COL6A3: variants seen among roughly 807,000 people sequenced by gnomAD.
The protein encoded by COL6A3 is collagen type VI alpha 3 chain.
A neutral mutation model predicts 274.1 loss-of-function variants in COL6A3; 137 were observed. The observed-to-expected ratio is 0.50, with a 90% CI of 0.44 to 0.58. The LOEUF is 0.58. Ranked by LOEUF, COL6A3 falls within the 20% of genes least tolerant of loss-of-function variation. COL6A3 has a pLI of 0.00. For missense variants in COL6A3, 3,950 were observed against 4,124.9 expected (o/e 0.96, Z 1.16); for synonymous variants, 1,650 against 1,650.6 (o/e 1.00, Z 0.01).
chr2:237,369,048 T>A lies in COL6A3; in HGVS notation c.4415A>T (p.Lys1472Ile), dbSNP rs748650105. 8 of 1,614,086 alleles carry A rather than the reference T, an allele frequency of 5.0e-6. No homozygotes were observed. Among genetic ancestry groups the A allele is most frequent in the Non-Finnish European group, 6.8e-6 (8 of 1,180,044 alleles). The change falls in exon 10 of 44, where the codon AAA (lysine) becomes ATA (isoleucine). Residue 1472 changes from lysine (K) to isoleucine (I), a missense_variant. Around this residue, in one of 5 missense-constraint regions of COL6A3, gnomAD observed 1,934 missense variants for 1,984.3 expected, o/e 0.97. Transcript: ENST00000295550. ...GAACTGCACGACCCCAACTCTCACT[T>A]TACTGGGGCCGATGTTGAGTCTTCG... The part of the protein sequence containing the change: ...IVRRLNIGPS[K>I]VRVGVVQFSN...
chr2:237,331,606 CTG>C (rs1293846098), intron 42 of COL6A3, among the ~76,000 whole-genome samples: 6 of 152,068 alleles, frequency 3.9e-5, no homozygotes, highest in African/African-American at 9.7e-5. Context: ...AATGCCATAA[CTG>C]TGTGTACACC....
chr2:237,374,396 A>G lies in COL6A3; in HGVS notation c.3679+16T>C. On this transcript the variant is annotated intron_variant, in intron 8 of 43. Transcript: ENST00000295550. The surrounding 1 kb of genome is among the most constrained non-coding windows in gnomAD (Gnocchi z 4.8). ...ACAATGACACTGAGTGAGGATGCAA[A>G]GAGTTCCCTGCGTACCTGGGCTCGG... 1 of 1,610,228 alleles carries G rather than the reference A, an allele frequency of 6.2e-7. No homozygotes were observed. The highest frequency in any genetic ancestry group is 8.5e-7 in the Non-Finnish European group (1 of 1,180,008).
chr2:237,353,114 G>A (rs1377868517), intron 25 of COL6A3, among the ~76,000 whole-genome samples: 1 of 152,192 alleles, frequency 6.6e-6, no homozygotes, highest in African/African-American at 2.4e-5. Flanking sequence ...CCAGGGACTC[G>A]GGGTGGAGGG....
Position 237,367,082 on chromosome 2 carries a change from A to C in COL6A3, c.5105T>G (p.Ile1702Ser), listed in dbSNP as rs1274830506. 1 of 1,614,218 alleles carries C rather than the reference A, an allele frequency of 6.2e-7. No homozygotes were observed. Among genetic ancestry groups the C allele is most frequent in the Non-Finnish European group, 8.5e-7 (1 of 1,180,038 alleles). Residue 1702 changes from isoleucine to serine, a missense_variant, in exon 11 of 44, where the codon ATT (isoleucine) becomes AGT (serine). Coordinates refer to ENST00000295550, the MANE Select transcript of COL6A3 (RefSeq NM_004369.4). ...GACCACTTTGTTGATGGCGTCAATA[A>C]TCTGCCTCTTGGTAGAGAAGTCCTT... is the stretch of plus-strand genomic sequence containing the variant. ...FLKDFSTKRQIIDAINKVVYK... is the reference protein window; with the variant it reads ...FLKDFSTKRQSIDAINKVVYK...
Position 237,346,547 on chromosome 2 carries a change from C to A in COL6A3, c.7048G>T (p.Gly2350Trp). The change falls in exon 32 of 44, where the codon GGG (glycine) becomes TGG (tryptophan). Residue 2350 changes from glycine to tryptophan, a missense_variant. Coordinates refer to ENST00000295550, the MANE Select transcript of COL6A3 (RefSeq NM_004369.4). ...GGGTCTCCCTTCTGTCCAACTATCC[C>A]TGGAGGTCCCGAATTTCCCTAGAGG... ...RGRRGNSGPP[G>W]IVGQKGDPGY... The A allele has an allele frequency of 6.2e-7, 1 of 1,613,984 alleles. No homozygotes were observed. The highest frequency in any genetic ancestry group is 8.5e-7 in the Non-Finnish European group (1 of 1,179,916).
chr2:237,361,015 GA>G lies in COL6A3; in HGVS notation c.6210+105del. 1.0e-6 allele frequency: 1 copy of G among 957,052 alleles called. No homozygotes were observed. Among genetic ancestry groups the G allele is most frequent in the Non-Finnish European group, 1.7e-6 (1 of 585,112 alleles). The allele number at this position is 957,052 out of a possible 1,614,324, so 59.3% of individuals were successfully genotyped here. A position where few individuals can be genotyped will look rare whatever the true frequency, so the allele number is the denominator to read the frequency against. ...TATAAATTAATTTTTCTCCCAAAGG[GA>G]AAGCCATCAGCAACTGAACAAATGA... On this transcript the variant is annotated intron_variant, in intron 16 of 43. Coordinates refer to ENST00000295550, the MANE Select transcript of COL6A3 (RefSeq NM_004369.4). This position sits in a 1 kb window ranked among gnomAD's most constrained non-coding sequence, Gnocchi z 5.1.
At chr2:237,403,515 G>A (rs564511080) in intron 1 of COL6A3, among the ~76,000 whole-genome samples, 1 of 152,260 alleles carries the variant, frequency 6.6e-6, no homozygotes, top group African/African-American at 2.4e-5. Flanking sequence ...AAGGAATGCT[G>A]TTCTAATGAT....
At chr2:237,400,866 T>C (rs554131625) in intron 1 of COL6A3, among the ~76,000 whole-genome samples, 62 of 152,252 alleles carry the variant, frequency 4.1e-4, no homozygotes, top group African/African-American at 1.4e-3. Context: ...AACAGCACAT[T>C]AAAAGGATTA....
chr2:237,344,688 G>T lies in COL6A3; in HGVS notation c.7330C>A (p.Arg2444=). 6.2e-7 allele frequency: 1 copy of T among 1,610,292 alleles called. No individual in the cohort carries two copies. Among genetic ancestry groups the T allele is most frequent in the Non-Finnish European group, 8.5e-7 (1 of 1,177,552 alleles). The change falls in exon 36 of 44, where the codon CGG becomes AGG. Residue 2444 remains arginine (R), a synonymous_variant. Coordinates refer to ENST00000295550, the MANE Select transcript of COL6A3 (RefSeq NM_004369.4). The surrounding 1 kb of genome is among the most constrained non-coding windows in gnomAD (Gnocchi z 4.8). ...TTGTTGTAGGTGACCACAGCCACCC[G>T]GGCCCCCCGTGGGCAGTTGCTCTCA... ...IAESNCPRGA[R]VAVVTYNNEV...
At position 237,340,622 on chromosome 2, in the gene COL6A3, T is replaced by G; in HGVS notation, c.8294A>C (p.Lys2765Thr). The change falls in exon 38 of 44, where the codon AAG becomes ACG. Residue 2765 changes from lysine (K) to threonine (T), a missense_variant. Around this residue, in one of 5 missense-constraint regions of COL6A3, gnomAD observed 1,284 missense variants for 1,349.7 expected, o/e 0.95. Coordinates refer to ENST00000295550, the MANE Select transcript of COL6A3 (RefSeq NM_004369.4). ...AQRVILQAKC[K>T]GYFFVVLGIG... Reference sequence around the variant, plus strand: ...GCCCAGGACCACGAAGAAGTAGCCCTTGCATTTGGCCTGCAGGATGACTCT... The same window carrying G: ...GCCCAGGACCACGAAGAAGTAGCCCGTGCATTTGGCCTGCAGGATGACTCT... The G allele has an allele frequency of 6.2e-7, 1 of 1,614,210 alleles. No homozygotes were observed. Among genetic ancestry groups the G allele is most frequent in the Non-Finnish European group, 8.5e-7 (1 of 1,180,028 alleles).
chr2:237,353,721 G>C (rs1444077701), intron 24 of COL6A3, among the ~76,000 whole-genome samples: 2 of 152,168 alleles, frequency 1.3e-5, no homozygotes, highest in African/African-American at 4.8e-5. Context: ...TGGCCAGATA[G>C]GTGAGCACGT....
At chr2:237,410,971 G>A (rs2078842367) in intron 1 of COL6A3, among the ~76,000 whole-genome samples, 1 of 152,172 alleles carries the variant, frequency 6.6e-6, no homozygotes. Context: ...AAAATTTGGA[G>A]GGTTTGCGGC....
rs1324201660 is a variant in COL6A3 at position 237,352,555 on chromosome 2, C to T, written c.6720G>A (p.Gly2240=). The T allele has an allele frequency of 6.2e-7, 1 of 1,613,438 alleles. No individual in the cohort carries two copies. The highest frequency in any genetic ancestry group is 8.5e-7 in the Non-Finnish European group (1 of 1,179,792). The change falls in exon 26 of 44, where the codon GGG becomes GGA. Residue 2240 remains glycine (G), a synonymous_variant. Coordinates refer to ENST00000295550, the MANE Select transcript of COL6A3 (RefSeq NM_004369.4). The part of the protein sequence containing the change: ...QGPAGPAGPP[G]LIGEQGISGP... ...CAGAAATGCCTTGTTCTCCTATCAG[C>T]CCTGGAGGACCAGCAGGACCAGCTG...
At position 237,342,126 on chromosome 2, in the gene COL6A3, C is replaced by T; in HGVS notation, c.7704G>A (p.Leu2568=). ...AGTCTGTGAGGTCTCTCCCTGCAGG[C>T]AGGACAAGCGCATGCCCCACTGCTG... ...NNTAVGHALV[L]PAGRDLTDFL... Residue 2568 remains leucine (L), a synonymous_variant, in exon 37 of 44, where the codon CTG becomes CTA. Coordinates refer to ENST00000295550, the MANE Select transcript of COL6A3 (RefSeq NM_004369.4). 2 of 1,614,220 alleles carry T rather than the reference C, an allele frequency of 1.2e-6. No homozygotes were observed. The highest frequency in any genetic ancestry group is 2.7e-5 in the African/African-American group (2 of 75,046).
chr2:237,342,248 A>G (rs1248247364), intron 36 of COL6A3, 87 bp from the exon 37 acceptor site: 4 of 1,003,820 alleles, frequency 4.0e-6, no homozygotes, highest in Middle Eastern at 2.1e-4. Flanking sequence ...TCAAAGCTAC[A>G]TCAATAAAAT....
chr2:237,404,097 G>A (rs940886908), intron 1 of COL6A3, among the ~76,000 whole-genome samples: 9 of 151,978 alleles, frequency 5.9e-5, no homozygotes, highest in Admixed American at 2.6e-4. Context: ...AAGCTTGAGC[G>A]TCAATTTTTT....
At chr2:237,386,238 A>C (rs2106376452) in intron 4 of COL6A3, among the ~76,000 whole-genome samples, 1 of 152,382 alleles carries the variant, frequency 6.6e-6, no homozygotes. Context: ...ACTAATGATT[A>C]GCAAGGCACT....
intron 23 of COL6A3, chr2:237,356,762 G>C (rs2077327153): frequency 1.2e-5 from 2 of 163,344 alleles, no homozygotes; most frequent in Admixed American, 5.8e-5. Context: ...CTTTTGGTTG[G>C]CTTCAGAAAG....
intron 37 of COL6A3, 124 bp from the exon 38 acceptor site, chr2:237,341,274 G>C: frequency 5.3e-6 from 5 of 950,156 alleles, no homozygotes; most frequent in South Asian, 4.0e-5. Context: ...GGCCGGAAGC[G>C]GTGGCTCACG....
Sources: gnomAD v4.1 joint callset for allele counts (sites outside exome capture counted in the v4.1 genomes callset) on GRCh38, gnomAD v4.1.1 for gene constraint, gnomAD v4.1.1 regional missense constraint, Gnocchi (gnomAD v3.1) non-coding constraint, MANE v1.5 for transcripts, NCBI Gene and HGNC (gene_info 2026-07-23, HGNC 2026-07-21) for gene names.